The following CPM variants were observed in gnomAD, a reference collection of about 807,000 sequenced individuals.
CPM encodes renal carboxypeptidase.
Under a neutral mutation model 46.4 loss-of-function variants are expected in CPM, and 35 were observed. The ratio of observed to expected loss-of-function variants is 0.75; its 90% CI spans 0.58 to 1.00. CPM has a LOEUF of 1.00. Among genes scored for constraint, CPM ranks in the 50% least tolerant of loss-of-function variants. CPM has a pLI of 0.00. For synonymous variants in CPM, 195 were observed against 195.3 expected (o/e 1.00, Z 0.01); for missense variants, 422 against 530.4 (o/e 0.80, Z 2.01).
At chr12:68,932,953 G>A (rs767051374) in intron 1 of CPM, 113 bp from the exon 2 acceptor site, 388 of 947,126 alleles carry the variant, frequency 4.1e-4, no homozygotes, top group Non-Finnish European at 5.6e-4. Flanking sequence ...GACGCTCCCT[G>A]CCTCCTAAGG....
chr12:68,928,911 A>T (rs1014458894), intron 2 of CPM, among the ~76,000 whole-genome samples: 10 of 144,294 alleles, frequency 6.9e-5, no homozygotes, highest in Non-Finnish European at 9.1e-5. Flanking sequence ...GGTTAATTAA[A>T]TTTTTTTTTT....
chr12:68,858,425 A>T (rs1885063857), intron 8 of CPM, among the ~76,000 whole-genome samples: 1 of 152,218 alleles, frequency 6.6e-6, no homozygotes, highest in South Asian at 2.1e-4. Context: ...TTTTACTTGC[A>T]TCGATGAAAA....
chr12:68,867,409 A>G (rs1227014524), intron 6 of CPM, among the ~76,000 whole-genome samples: 1 of 152,262 alleles, frequency 6.6e-6, no homozygotes, highest in Non-Finnish European at 1.5e-5. Context: ...TATAAGCTAG[A>G]ATAAGATTCC....
At chr12:68,954,611 C>G (rs1026689675) in intron 1 of CPM, among the ~76,000 whole-genome samples, 2 of 152,154 alleles carry the variant, frequency 1.3e-5, no homozygotes, top group Non-Finnish European at 2.9e-5. Flanking sequence ...ATCTATGTGC[C>G]AGTGACCCCT....
intron 1 of CPM, among the ~76,000 whole-genome samples, chr12:68,940,217 C>G (rs1203287105): frequency 6.6e-6 from 1 of 151,858 alleles, no homozygotes; most frequent in African/African-American, 2.4e-5. Context: ...TTTTCCTGCC[C>G]TACCCACATA....
chr12:68,853,659 G>A lies in CPM; in HGVS notation c.*2778C>T, dbSNP rs1884827337. ...AACCAAGGCAACTCACTTTCCATGA[G>A]TAATACACCACACTTCTAGAAATCA... is the stretch of plus-strand genomic sequence containing the variant. On this transcript the variant is annotated 3_prime_UTR_variant, in exon 9 of 9. Transcript: ENST00000551568. The A allele has an allele frequency of 6.6e-6, 1 of 151,406 alleles. No homozygotes were observed. The highest frequency in any genetic ancestry group is 6.6e-5 in the Admixed American group (1 of 15,158). 9.4% of individuals were successfully genotyped at this position (151,406 alleles called of 1,614,324 possible). A position where few individuals can be genotyped will look rare whatever the true frequency, so the allele number is the denominator to read the frequency against.
chr12:68,899,017 C>A (rs907104288), intron 2 of CPM, among the ~76,000 whole-genome samples: 5 of 152,134 alleles, frequency 3.3e-5, no homozygotes, highest in African/African-American at 9.7e-5. Flanking sequence ...CAATTAAAGA[C>A]AAATTTTCAA....
rs763257314 is a variant in CPM at position 68,856,419 on chromosome 12, T to G, written c.*18A>C. On this transcript the variant is annotated 3_prime_UTR_variant, in exon 9 of 9. Coordinates refer to ENST00000551568, the MANE Select transcript of CPM (RefSeq NM_198320.5). ...CCTGATTCCAGGTGGTGATGTGGGTTGAGTTTCACATTTTACTTTATTTGA... is the reference window on the plus strand; with the variant it reads ...CCTGATTCCAGGTGGTGATGTGGGTGGAGTTTCACATTTTACTTTATTTGA... 1 of 1,608,352 alleles carries G rather than the reference T, an allele frequency of 6.2e-7. No individual in the cohort carries two copies. Among genetic ancestry groups the G allele is most frequent in the East Asian group, 2.2e-5 (1 of 44,824 alleles).
intron 1 of CPM, among the ~76,000 whole-genome samples, chr12:68,951,053 C>G (rs562390533): frequency 3.4e-4 from 52 of 152,302 alleles, no homozygotes; most frequent in African/African-American, 1.2e-3. Context: ...TTCTGCTTCT[C>G]TGATTGAATT....
intron 1 of CPM, among the ~76,000 whole-genome samples, chr12:68,944,305 G>A (rs973350567): frequency 3.9e-5 from 6 of 152,110 alleles, no homozygotes; most frequent in African/African-American, 1.4e-4. Context: ...TATTGTATTG[G>A]GAAAGATGAT....
At chr12:68,857,546 G>A (rs1415522198) in intron 8 of CPM, among the ~76,000 whole-genome samples, 1 of 151,536 alleles carries the variant, frequency 6.6e-6, no homozygotes, top group Non-Finnish European at 1.5e-5. Context: ...TTTTAGTGGA[G>A]GAAATGATCA....
chr12:68,920,738 T>TG lies in CPM; in HGVS notation c.160+11939dup, dbSNP rs139423005. Reference sequence around the variant, plus strand: ...GACAGAGACTCACTGTGGGCCAGGCTGGAGTACAGTGGCACAGTCTCGGCT... The same window carrying TG: ...GACAGAGACTCACTGTGGGCCAGGCTGGGAGTACAGTGGCACAGTCTCGGCT... On this transcript the variant is annotated intron_variant, in intron 2 of 8. Transcript: ENST00000551568. Among the ~76,000 whole-genome samples, 914 of 150,048 alleles carry TG rather than the reference T, an allele frequency of 6.1e-3. 10 individuals are homozygous for TG. Among genetic ancestry groups the TG allele is most frequent in the South Asian group, 0.034 (157 of 4,682 alleles).
At chr12:68,917,300 T>C (rs1286873216) in intron 2 of CPM, among the ~76,000 whole-genome samples, 2 of 152,226 alleles carry the variant, frequency 1.3e-5, no homozygotes, top group Non-Finnish European at 2.9e-5. Flanking sequence ...GTTTATTGGT[T>C]TGTCAACTCC....
At chr12:68,845,657 C>G (rs926026257) in intron 5 of CPM, 2 of 174,896 alleles carry the variant, frequency 1.1e-5, no homozygotes, top group African/African-American at 2.4e-5. Flanking sequence ...TTCAGTCCTA[C>G]AATCCCACAT....
intron 2 of CPM, among the ~76,000 whole-genome samples, chr12:68,901,867 A>G (rs948289054): frequency 1.3e-5 from 2 of 151,884 alleles, no homozygotes; most frequent in African/African-American, 4.8e-5. Flanking sequence ...CAGGAGAAGA[A>G]GGGGAGAGAG....
chr12:68,928,217 CAT>C (rs943757309), intron 2 of CPM, among the ~76,000 whole-genome samples: 1 of 152,146 alleles, frequency 6.6e-6, no homozygotes, highest in African/African-American at 2.4e-5. Context: ...AATAACGCCG[CAT>C]ATCTACAACT....
rs914865614 is a variant in CPM at position 68,853,491 on chromosome 12, A to T, written c.*2946T>A. ...CTCCAATTTGTTTATATTTATTAAC[A>T]TGTATGATTTTGTGCATGTAGAATA... On this transcript the variant is annotated 3_prime_UTR_variant, in exon 9 of 9. Coordinates refer to ENST00000551568, the MANE Select transcript of CPM (RefSeq NM_198320.5). The T allele has an allele frequency of 6.6e-6, 1 of 152,154 alleles. No homozygotes were observed. Among genetic ancestry groups the T allele is most frequent in the Admixed American group, 6.6e-5 (1 of 15,264 alleles). 9.4% of individuals were successfully genotyped at this position (152,154 alleles called of 1,614,324 possible).
intron 1 of CPM, among the ~76,000 whole-genome samples, chr12:68,962,218 A>C (rs1054877649): frequency 1.8e-4 from 27 of 151,934 alleles, no homozygotes; most frequent in South Asian, 1.7e-3. Flanking sequence ...AAAAAAAAAA[A>C]CCAAGTGTGA....
chr12:68,913,900 C>G (rs1887701056), intron 2 of CPM: 23 of 704,514 alleles, frequency 3.3e-5, no homozygotes, highest in South Asian at 2.9e-4. Flanking sequence ...CAGTATGCAA[C>G]AAGATATCAA....
Sources: allele counts gnomAD v4.1 joint callset (sites outside exome capture counted in the v4.1 genomes callset), GRCh38; gene constraint gnomAD v4.1.1; transcripts MANE v1.5; gene names NCBI Gene and HGNC (gene_info 2026-07-23, HGNC 2026-07-21).